Variants in GALNT5 observed in about 807,000 individuals in gnomAD.
The protein encoded by GALNT5 is polypeptide N-acetylgalactosaminyltransferase 5, also known as UDP-GalNAc:polypeptide N-acetylgalactosaminyltransferase 5.
GALNT5 carries 72 observed loss-of-function variants against 85.4 expected under a neutral mutation model. That is an observed-to-expected ratio of 0.84 (90% CI 0.70 to 1.03). GALNT5 has a LOEUF of 1.03. GALNT5 is among the 50% of genes least tolerant of loss of function. GALNT5 has a pLI of 0.00. For missense variants in GALNT5, 1,137 were observed against 1,135.5 expected (o/e 1.00, Z -0.02); for synonymous variants, 404 against 397.0 (o/e 1.02, Z -0.21).
At chr2:157,306,603 G>A (rs1683460365) in intron 8 of GALNT5, among the ~76,000 whole-genome samples, 1 of 152,176 alleles carries the variant, frequency 6.6e-6, no homozygotes, top group Non-Finnish European at 1.5e-5. Flanking sequence ...GGACTCAGAG[G>A]AAAATGGATT....
At chr2:157,289,519 C>A (rs769854847) in intron 3 of GALNT5, among the ~76,000 whole-genome samples, 22 of 152,006 alleles carry the variant, frequency 1.4e-4, no homozygotes, top group Admixed American at 2.0e-4. Flanking sequence ...TGTTTTAGAT[C>A]CTAGCCAATC....
At chr2:157,261,510 G>A (rs1021202277) in intron 1 of GALNT5, among the ~76,000 whole-genome samples, 1 of 152,144 alleles carries the variant, frequency 6.6e-6, no homozygotes, top group Non-Finnish European at 1.5e-5. Context: ...AGAGCATGTG[G>A]CCAGGCCTCC....
intron 3 of GALNT5, among the ~76,000 whole-genome samples, chr2:157,293,190 G>C (rs1683135700): frequency 6.6e-6 from 1 of 152,170 alleles, no homozygotes. Flanking sequence ...AAATGCCTTA[G>C]ACTAGATCAT....
chr2:157,268,786 T>A (rs1005110099), intron 1 of GALNT5, among the ~76,000 whole-genome samples: 1 of 139,730 alleles, frequency 7.2e-6, no homozygotes, highest in African/African-American at 3.3e-5. Flanking sequence ...AAGCCTAGAT[T>A]CCCCCCCAAG....
chr2:157,275,989 T>A (rs1023804161), intron 1 of GALNT5, among the ~76,000 whole-genome samples: 3 of 152,178 alleles, frequency 2.0e-5, no homozygotes, highest in Non-Finnish European at 2.9e-5. Flanking sequence ...TTTTGAGATA[T>A]GTTCCATCAA....
chr2:157,263,189 TTC>T (rs1289248612), intron 1 of GALNT5, among the ~76,000 whole-genome samples: 2 of 148,714 alleles, frequency 1.3e-5, no homozygotes, highest in African/African-American at 5.2e-5. Context: ...CACTGTCCTT[TTC>T]TGTCTGCCCA....
At chr2:157,280,336 G>A (rs1682828695) in intron 1 of GALNT5, among the ~76,000 whole-genome samples, 1 of 152,170 alleles carries the variant, frequency 6.6e-6, no homozygotes, top group Admixed American at 6.5e-5. Flanking sequence ...AAGAGAGCCA[G>A]GCAGAGGTTT....
At chr2:157,301,920 T>C (rs1437767715) in intron 7 of GALNT5, among the ~76,000 whole-genome samples, 1 of 152,104 alleles carries the variant, frequency 6.6e-6, no homozygotes, top group Non-Finnish European at 1.5e-5. Context: ...TGAGAAAACA[T>C]CAAGAAAGAG....
In GALNT5 at chr2:157,299,594, T is replaced by C; in HGVS notation, c.2044T>C (p.Phe682Leu). The C allele has an allele frequency of 1.9e-6, 3 of 1,613,156 alleles. No homozygotes were observed. The South Asian group carries it at 3.3e-5, about 18-fold the overall frequency. Residue 682 changes from phenylalanine (F) to leucine (L), a missense_variant, in exon 6 of 10, where the codon TTT (phenylalanine) becomes CTT (leucine). By Grantham distance (22) the Phe-to-Leu change is conservative. Transcript: ENST00000259056. The part of the protein sequence containing the change: ...GGLFSIDKSY[F>L]FELGTYDPGL... ...ATTGTTTTCTATTGACAAAAGTTAC[T>C]TTTTTGAACTTGGAACATACGACCC...
At chr2:157,306,413 G>C (rs938965047) in intron 8 of GALNT5, among the ~76,000 whole-genome samples, 2 of 152,138 alleles carry the variant, frequency 1.3e-5, no homozygotes, top group African/African-American at 4.8e-5. Flanking sequence ...ACTCCTATAG[G>C]AAAACTCCCC....
chr2:157,293,328 C>T (rs1013203370), intron 3 of GALNT5, among the ~76,000 whole-genome samples: 1 of 152,150 alleles, frequency 6.6e-6, no homozygotes, highest in African/African-American at 2.4e-5. Flanking sequence ...GTTACTGTGA[C>T]CTTACATGGT....
rs1346017427 is a variant in GALNT5, at chr2:157,314,608, G to A, written c.*3260G>A. On this transcript the variant is annotated 3_prime_UTR_variant, in exon 10 of 10. Coordinates refer to ENST00000259056, the MANE Select transcript of GALNT5 (RefSeq NM_014568.3). ...TAGTTTGGGACTGCAGAGGGGCAAAGATACCATTTACAGTATATAGGAGTC... is the reference window on the plus strand; with the variant it reads ...TAGTTTGGGACTGCAGAGGGGCAAAAATACCATTTACAGTATATAGGAGTC... Among the ~76,000 whole-genome samples the A allele has an allele frequency of 6.6e-6, 1 of 152,176 alleles. No individual in the cohort carries two copies. Among genetic ancestry groups the A allele is most frequent in the Admixed American group, 6.5e-5 (1 of 15,272 alleles).
In GALNT5 at chr2:157,262,473, C is replaced by CA. The variant is rs534205039; in HGVS notation, c.1454+2944dup. On this transcript the variant is annotated intron_variant, in intron 1 of 9. Transcript: ENST00000259056. ...GCAATATAGTGAGACCTCATCATTACAAAAAAATTTAAAAATTACCCAAGG... is the reference window on the plus strand; with the variant it reads ...GCAATATAGTGAGACCTCATCATTACAAAAAAAATTTAAAAATTACCCAAGG... Among the ~76,000 whole-genome samples the CA allele has an allele frequency of 3.1e-3, 474 of 151,962 alleles. 4 individuals are homozygous for CA. Among genetic ancestry groups the CA allele is most frequent in the African/African-American group, 0.01 (420 of 41,382 alleles).
chr2:157,269,166 C>A (rs1682526117), intron 1 of GALNT5, among the ~76,000 whole-genome samples: 2 of 152,180 alleles, frequency 1.3e-5, no homozygotes, highest in South Asian at 4.1e-4. Flanking sequence ...GTATGAAAGA[C>A]TAGAGTAAGA....
At chr2:157,274,043 CA>C (rs1349057751) in intron 1 of GALNT5, among the ~76,000 whole-genome samples, 8 of 151,938 alleles carry the variant, frequency 5.3e-5, no homozygotes, top group African/African-American at 1.9e-4. Context: ...TCTCATTGTT[CA>C]ATTCCCACCT....
intron 1 of GALNT5, among the ~76,000 whole-genome samples, chr2:157,279,455 C>A (rs766085915): frequency 1.3e-5 from 2 of 152,248 alleles, no homozygotes; most frequent in Non-Finnish European, 2.9e-5. Context: ...AGGCAGTAGG[C>A]CTTGCTGAGC....
intron 1 of GALNT5, among the ~76,000 whole-genome samples, chr2:157,271,698 G>C (rs1479532242): frequency 1.3e-5 from 2 of 152,176 alleles, no homozygotes; most frequent in Non-Finnish European, 2.9e-5. Context: ...AGCTGGTTGG[G>C]TTGAGTGGGG....
At chr2:157,281,656 T>G (rs1682857481) in intron 1 of GALNT5, among the ~76,000 whole-genome samples, 1 of 152,126 alleles carries the variant, frequency 6.6e-6, no homozygotes, top group Non-Finnish European at 1.5e-5. Flanking sequence ...TCTTTGAAAA[T>G]ATGTATGCTA....
At chr2:157,287,415 C>G (rs1322671651) in intron 3 of GALNT5, among the ~76,000 whole-genome samples, 1 of 152,014 alleles carries the variant, frequency 6.6e-6, no homozygotes, top group Non-Finnish European at 1.5e-5. Flanking sequence ...TCCCTTTCCC[C>G]TCAATCTCCC....
Sources: gnomAD v4.1 joint callset for allele counts (sites outside exome capture counted in the v4.1 genomes callset) on GRCh38, gnomAD v4.1.1 for gene constraint, MANE v1.5 for transcripts, NCBI Gene and HGNC (gene_info 2026-07-23, HGNC 2026-07-21) for gene names.